The following RACK1 variants were observed in gnomAD, a reference collection of about 807,000 sequenced individuals.
RACK1 encodes the protein receptor for activated C kinase 1.
In RACK1, 3 loss-of-function variants were observed where a neutral mutation model predicts 42.2. The ratio of observed to expected loss-of-function variants is 0.07; its 90% CI spans 0.03 to 0.18. The LOEUF (loss-of-function observed/expected upper bound fraction) is 0.18, where lower values mean the gene tolerates loss of function less well. Ranked by LOEUF, RACK1 falls within the 10% of genes least tolerant of loss-of-function variation. RACK1 has a pLI of 1.00. For synonymous variants in RACK1, 181 were observed against 154.8 expected, an observed-to-expected ratio of 1.17 and a Z score of -1.25; for missense variants, 146 against 403.2, an observed-to-expected ratio of 0.36 and a Z score of 5.46.
intron 5 of RACK1, 91 bp downstream of exon 5, chr5:181,238,976 A>C (rs767915066): frequency 2.7e-5 from 22 of 829,178 alleles, no homozygotes; most frequent in Non-Finnish European, 4.1e-5. Context: ...ATCTTGGCTA[A>C]TGTTTGCCAT....
chr5:181,240,663 T>C lies in RACK1; in HGVS notation c.429+829A>G, dbSNP rs565212186. Among the ~76,000 whole-genome samples the C allele has an allele frequency of 5.9e-5, 9 of 151,382 alleles. No homozygotes were observed. In the South Asian group the frequency reaches 1.7e-3, roughly 28 times the overall value. ...CCAATCTGCGATCCCAAATCTGCGA[T>C]CTAGCCCAGAATCCATCTCAAAAAA... On this transcript the variant is annotated intron_variant, in intron 3 of 7. Coordinates refer to ENST00000512805, the MANE Select transcript of RACK1 (RefSeq NM_006098.5).
Position 181,242,728 on chromosome 5 carries a change from G to A in RACK1, c.110-383C>T, listed in dbSNP as rs1307907789. On this transcript the variant is annotated intron_variant, in intron 1 of 7. Transcript: ENST00000512805. Reference sequence around the variant, plus strand: ...CCAGCTGGCACCTGCCAGCACGTCTGGCTAATTTTTTAACTAGAGATGCGG... The same window carrying A: ...CCAGCTGGCACCTGCCAGCACGTCTAGCTAATTTTTTAACTAGAGATGCGG... 1.1e-5 allele frequency: 4 copies of A among 351,514 alleles called. No individual in the cohort carries two copies. The East Asian group carries it at 3.1e-4, about 28-fold the overall frequency. The allele number at this position is 351,514 out of a possible 1,614,324, so 21.8% of individuals were successfully genotyped here.
In RACK1 at chr5:181,238,431, C is replaced by CA. The variant is rs1402703140; in HGVS notation, c.637-193dup. 6 of 568,170 alleles carry CA rather than the reference C, an allele frequency of 1.1e-5. No homozygotes were observed. In the African/African-American group the frequency reaches 1.1e-4, roughly 11 times the overall value. 35.2% of individuals were successfully genotyped at this position (568,170 alleles called of 1,614,324 possible). A position where few individuals can be genotyped will look rare whatever the true frequency, so the allele number is the denominator to read the frequency against. The stretch of plus-strand genomic sequence containing the variant: ...TAACGTAAGACCTTACCAACCCCAT[C>CA]AAAAAACCCCTCCCAACTTACATAA... On this transcript the variant is annotated intron_variant, in intron 5 of 7. Transcript: ENST00000512805.
intron 1 of RACK1, chr5:181,243,371 C>A (rs1455671496): frequency 7.1e-7 from 1 of 1,400,490 alleles, no homozygotes; most frequent in Non-Finnish European, 9.5e-7. Context: ...TTGGGGTCAT[C>A]ACCGCCCCGC....
chr5:181,240,048 CA>C lies in RACK1; in HGVS notation c.430-467del, dbSNP rs1390933165. ...CAACGAACAAGTGAAACTTCATCTC[CA>C]AAAAAAATATAATAATAATAATAGG... On this transcript the variant is annotated intron_variant, in intron 3 of 7. Transcript: ENST00000512805. Among the ~76,000 whole-genome samples the C allele has an allele frequency of 4.9e-3, 734 of 150,626 alleles. 3 individuals are homozygous for C. Among genetic ancestry groups the C allele is most frequent in the Middle Eastern group, 0.01 (3 of 286 alleles).
At chr5:181,240,518 G>A (rs1166686503) in intron 3 of RACK1, 1 of 150,742 alleles carries the variant, frequency 6.6e-6, no homozygotes, top group Non-Finnish European at 1.5e-5. Flanking sequence ...AAAATTAGCT[G>A]GGCATGATGG....
chr5:181,242,398 A>T (rs1234393239), intron 1 of RACK1, 53 bp from the exon 2 acceptor site: 8 of 1,237,786 alleles, frequency 6.5e-6, no homozygotes, highest in Admixed American at 3.6e-5. Flanking sequence ...AGCCCGTTTA[A>T]CACACTGGAT....
intron 1 of RACK1, chr5:181,242,724 G>A (rs1184180243): frequency 2.3e-5 from 8 of 353,596 alleles, no homozygotes; most frequent in Admixed American, 1.2e-4. Context: ...CTGCCAGCAC[G>A]TCTGGCTAAT....
rs1002573161 is a variant in RACK1, at chr5:181,237,993, G to A, written c.777+106C>T. On this transcript the variant is annotated intron_variant, in intron 6 of 7. Coordinates refer to ENST00000512805, the MANE Select transcript of RACK1 (RefSeq NM_006098.5). ...CAAAATGTCATTACGTGGAGGCTGA[G>A]AAAGCTTAGCTCCCAGGTGGGAGTC... 5.0e-5 allele frequency: 62 copies of A among 1,245,730 alleles called. 1 individual carries two copies. In the South Asian group the frequency reaches 7.7e-4, roughly 15 times the overall value. The allele number at this position is 1,245,730 out of a possible 1,614,324, so 77.2% of individuals were successfully genotyped here.
chr5:181,242,489 C>T (rs751615139), intron 1 of RACK1, 144 bp from the exon 2 acceptor site: 34 of 670,132 alleles, frequency 5.1e-5, no homozygotes, highest in Non-Finnish European at 8.3e-5. Flanking sequence ...CAGACAAGAG[C>T]AGTTACAGAC....
intron 3 of RACK1, among the ~76,000 whole-genome samples, chr5:181,240,684 AAAAAG>A (rs1409121515): frequency 1.3e-5 from 2 of 152,086 alleles, no homozygotes; most frequent in East Asian, 3.9e-4. Context: ...ATCCATCTCA[AAAAAG>A]AAAAAAAATA....
chr5:181,237,846 C>T (rs545623324), intron 6 of RACK1, 127 bp from the exon 7 acceptor site: 8 of 673,502 alleles, frequency 1.2e-5, no homozygotes, highest in Admixed American at 2.5e-5. Flanking sequence ...TCAATGCCTA[C>T]ATGCATTTTC....
rs771622332 is a variant in RACK1, at chr5:181,242,191, G to C, written c.264C>G (p.Arg88=). Residue 88 remains arginine, a synonymous_variant, in exon 2 of 8, where the codon CGC becomes CGG. Transcript: ENST00000512805. ...CTACTTGCGTTGTGAGATCCCAGAGGCGCAGGGTTCCATCCCAGGAGCCTG... is the reference window on the plus strand; with the variant it reads ...CTACTTGCGTTGTGAGATCCCAGAGCCGCAGGGTTCCATCCCAGGAGCCTG... ...ALSGSWDGTL[R]LWDLTTGTTT... is the part of the protein sequence containing the mutation. The C allele has an allele frequency of 1.2e-5, 20 of 1,612,970 alleles. No individual in the cohort carries two copies. Among genetic ancestry groups the C allele is most frequent in the Non-Finnish European group, 8.5e-7 (1 of 1,179,712 alleles).
chr5:181,241,400 A>T (rs1759339098), intron 3 of RACK1, 92 bp downstream of exon 3: 1 of 1,180,604 alleles, frequency 8.5e-7, no homozygotes, highest in African/African-American at 1.6e-5. Flanking sequence ...ACTGCACTCC[A>T]GCTTGGGCAA....
rs182299348 is a variant in RACK1 at position 181,237,357 on chromosome 5, T to C, written c.888+252A>G. 233 of 705,636 alleles carry C rather than the reference T, an allele frequency of 3.3e-4. No homozygotes were observed. The African/African-American group carries it at 3.7e-3, about 11-fold the overall frequency. 43.7% of individuals were successfully genotyped at this position (705,636 alleles called of 1,614,324 possible). ...ACAGCTGGTGATAAGGCTCCAGACA[T>C]TTGAAAACTGGTCAGATTAATTAAG... On this transcript the variant is annotated intron_variant, in intron 7 of 7. Transcript: ENST00000512805.
chr5:181,242,055 GCTCTGCTTTCCAGTTCCCAAATGGA>G (rs1264360959), intron 2 of RACK1, 94 bp downstream of exon 2: 1 of 889,596 alleles, frequency 1.1e-6, no homozygotes, highest in African/African-American at 1.6e-5. Flanking sequence ...CTGTAGGTGT[GCTCTGCTTTCCAGTTCCCAAATGGA>G]CTGGATCTCC....
At chr5:181,243,123 G>A (rs190989107) in intron 1 of RACK1, 3 of 519,734 alleles carry the variant, frequency 5.8e-6, no homozygotes, top group African/African-American at 2.0e-5. Flanking sequence ...TTAACAGCCA[G>A]ACATGATTCA....
intron 1 of RACK1, chr5:181,243,364 G>C: frequency 1.4e-6 from 2 of 1,392,616 alleles, no homozygotes; most frequent in Admixed American, 1.9e-5. Flanking sequence ...TGGCATGTTG[G>C]GGTCATCACC....
intron 5 of RACK1, chr5:181,238,547 G>A (rs959357213): frequency 4.5e-5 from 16 of 356,218 alleles, no homozygotes; most frequent in African/African-American, 1.9e-4. Flanking sequence ...GCTCATGCCT[G>A]TAATCCCAGC....
Sources: allele counts gnomAD v4.1 joint callset (sites outside exome capture counted in the v4.1 genomes callset), GRCh38; gene constraint gnomAD v4.1.1; transcripts MANE v1.5; gene names NCBI Gene and HGNC (gene_info 2026-07-23, HGNC 2026-07-21).